The following PCDHGA5 variants were observed in gnomAD, a reference collection of about 807,000 sequenced individuals.
PCDHGA5 encodes the protein protocadherin gamma-A5.
In PCDHGA5, 36 loss-of-function variants were observed where a neutral mutation model predicts 56.7. The ratio of observed to expected loss-of-function variants is 0.64; its 90% CI spans 0.49 to 0.84. PCDHGA5 has a LOEUF of 0.84. PCDHGA5 is among the 40% of genes least tolerant of loss of function. The pLI is 0.00. For synonymous variants in PCDHGA5, 563 were observed against 520.2 expected (o/e 1.08, Z -1.12); for missense variants, 1,305 against 1,201.5 (o/e 1.09, Z -1.27).
In PCDHGA5 at chr5:141,489,184, G is replaced by T; in HGVS notation, c.2422-5623G>T. ...TCAGCTGCTGCATTCCAAGCCCTGG[G>T]TCTACCTTGGAGACAGGACAGCACA... On this transcript the variant is annotated intron_variant, in intron 1 of 3. Transcript: ENST00000518069. This position sits in a 1 kb window ranked among gnomAD's most constrained non-coding sequence, Gnocchi z 4.5. 7.8e-7 allele frequency: 1 copy of T among 1,287,330 alleles called. No homozygotes were observed. Among genetic ancestry groups the T allele is most frequent in the Non-Finnish European group, 1.1e-6 (1 of 928,816 alleles). 79.7% of individuals were successfully genotyped at this position (1,287,330 alleles called of 1,614,324 possible).
chr5:141,503,260 C>A (rs2154593294), intron 2 of PCDHGA5, among the ~76,000 whole-genome samples: 1 of 152,178 alleles, frequency 6.6e-6, no homozygotes, highest in African/African-American at 2.4e-5. Flanking sequence ...ACAGCCACAA[C>A]CCCAGCACCT....
chr5:141,397,953 C>A, intron 1 of PCDHGA5: 2 of 962,110 alleles, frequency 2.1e-6, no homozygotes. Flanking sequence ...CAGGGCAGCC[C>A]CAGCTCAGAC....
At chr5:141,405,907 T>C (rs1471568204) in intron 1 of PCDHGA5, among the ~76,000 whole-genome samples, 2 of 152,218 alleles carry the variant, frequency 1.3e-5, no homozygotes, top group Non-Finnish European at 2.9e-5. Context: ...AGGAGGCATT[T>C]ATTAGTTATA....
chr5:141,431,450 A>T lies in PCDHGA5; in HGVS notation c.2422-63357A>T, dbSNP rs1468567743. 1 of 1,613,740 alleles carries T rather than the reference A, an allele frequency of 6.2e-7. No homozygotes were observed. Among genetic ancestry groups the T allele is most frequent in the Admixed American group, 1.7e-5 (1 of 60,032 alleles). ...CACAGGCACCGCGCGCATCCGCGTG[A>T]TGGTTCTGGATGCGAACGACAACGC... On this transcript the variant is annotated intron_variant, in intron 1 of 3. Transcript: ENST00000518069. This position sits in a 1 kb window ranked among gnomAD's most constrained non-coding sequence, Gnocchi z 4.8.
chr5:141,487,499 G>A lies in PCDHGA5; in HGVS notation c.2422-7308G>A, dbSNP rs2099647158. On this transcript the variant is annotated intron_variant, in intron 1 of 3. Transcript: ENST00000518069. This position sits in a 1 kb window ranked among gnomAD's most constrained non-coding sequence, Gnocchi z 5.0. ...CCACTCTCATGGCTGTACACCCTTGGCTTCTGCACCCACTCGGAGTGATAG... is the reference window on the plus strand; with the variant it reads ...CCACTCTCATGGCTGTACACCCTTGACTTCTGCACCCACTCGGAGTGATAG... The A allele has an allele frequency of 3.1e-6, 5 of 1,614,152 alleles. No homozygotes were observed. The highest frequency in any genetic ancestry group is 2.2e-5 in the East Asian group (1 of 44,852).
At chr5:141,459,829 G>A in intron 1 of PCDHGA5, among the ~76,000 whole-genome samples, 1 of 152,178 alleles carries the variant, frequency 6.6e-6, no homozygotes, top group East Asian at 1.9e-4. Flanking sequence ...AACTTTTCAT[G>A]TGTTGTCTAT....
At chr5:141,410,523 A>G (rs2095403267) in intron 1 of PCDHGA5, 3 of 1,613,800 alleles carry the variant, frequency 1.9e-6, no homozygotes, top group South Asian at 2.2e-5. Flanking sequence ...GTGCCCCTAC[A>G]TTCCAATGAA....
At chr5:141,499,779 C>T (rs1450026011) in intron 2 of PCDHGA5, among the ~76,000 whole-genome samples, 3 of 151,452 alleles carry the variant, frequency 2.0e-5, no homozygotes, top group Non-Finnish European at 4.4e-5. Flanking sequence ...CTTCGCCTCC[C>T]GGGTTCAAGC....
Position 141,418,036 on chromosome 5 carries a change from G to C in PCDHGA5, c.2421+51285G>C, listed in dbSNP as rs933500300. ...CTAAGGATCTAGGGCTTAGTGTCCT[G>C]GATGTGTCGGCTCGCGAGCTGCGAG... On this transcript the variant is annotated intron_variant, in intron 1 of 3. Coordinates refer to ENST00000518069, the MANE Select transcript of PCDHGA5 (RefSeq NM_018918.3). 3.7e-6 allele frequency: 6 copies of C among 1,613,902 alleles called. No individual in the cohort carries two copies. The African/African-American group carries it at 8.0e-5, about 22-fold the overall frequency.
chr5:141,394,322 G>T (rs1438978424), intron 1 of PCDHGA5: 3 of 1,613,960 alleles, frequency 1.9e-6, no homozygotes, highest in Non-Finnish European at 1.7e-6. Context: ...CCCTGTCCTC[G>T]TATATCTCCA....
At chr5:141,398,951 C>A (rs771456321) in intron 1 of PCDHGA5, 2 of 1,613,822 alleles carry the variant, frequency 1.2e-6, no homozygotes, top group Admixed American at 1.7e-5. Flanking sequence ...GGCATCAACT[C>A]AGAAATTACT....
rs138087785 is a variant in PCDHGA5, at chr5:141,383,992, G to T, written c.2421+17241G>T. 9.8e-5 allele frequency: 158 copies of T among 1,613,878 alleles called. No homozygotes were observed. The East Asian group carries it at 3.5e-3, about 35-fold the overall frequency. On this transcript the variant is annotated intron_variant, in intron 1 of 3. Coordinates refer to ENST00000518069, the MANE Select transcript of PCDHGA5 (RefSeq NM_018918.3). Reference sequence around the variant, plus strand: ...CCCTGAAGACACACCTCTTGGGACAGTCATTGCTCTTTTCTACCTACAAGA... The same window carrying T: ...CCCTGAAGACACACCTCTTGGGACATTCATTGCTCTTTTCTACCTACAAGA...
At chr5:141,405,096 G>A (rs2094608531) in intron 1 of PCDHGA5, 6 of 1,613,808 alleles carry the variant, frequency 3.7e-6, no homozygotes, top group Admixed American at 1.7e-5. Flanking sequence ...CTGGCCCTCA[G>A]GCTGAGGCAC....
rs756833632 is a variant in PCDHGA5, at chr5:141,393,904, CA to C, written c.2421+27154del. Reference sequence around the variant, plus strand: ...GTGTTAGAAAATTCTCTTCCCGGGACAGTAATTGCCTTCTTGAGTGTGCATG... The same window carrying C: ...GTGTTAGAAAATTCTCTTCCCGGGACGTAATTGCCTTCTTGAGTGTGCATG... On this transcript the variant is annotated intron_variant, in intron 1 of 3. Transcript: ENST00000518069. The C allele has an allele frequency of 1.9e-6, 3 of 1,613,918 alleles. No individual in the cohort carries two copies. In the East Asian group the frequency reaches 6.7e-5, roughly 36 times the overall value.
At position 141,494,885 on chromosome 5, in the gene PCDHGA5, G is replaced by T; in HGVS notation, c.2480+20G>T. The T allele has an allele frequency of 6.8e-6, 11 of 1,614,082 alleles. No homozygotes were observed. The highest frequency in any genetic ancestry group is 8.5e-6 in the Non-Finnish European group (10 of 1,179,992). Reference sequence around the variant, plus strand: ...CAGCGGGTAGGTGACTGATTCTCCAGCCCACCCTCTTCTCTGCGGCATTTT... The same window carrying T: ...CAGCGGGTAGGTGACTGATTCTCCATCCCACCCTCTTCTCTGCGGCATTTT... On this transcript the variant is annotated intron_variant, in intron 2 of 3. Transcript: ENST00000518069.
intron 2 of PCDHGA5, among the ~76,000 whole-genome samples, chr5:141,496,467 TC>T (rs1289225541): frequency 1.3e-5 from 2 of 152,176 alleles, no homozygotes; most frequent in Admixed American, 1.3e-4. Flanking sequence ...GAGTTATCTT[TC>T]CCCCATCCTG....
rs776079289 is a variant in PCDHGA5 at position 141,423,264 on chromosome 5, CGAGTCTCT to C, written c.2421+56515_2421+56522del. The C allele has an allele frequency of 9.8e-5, 158 of 1,613,986 alleles. 1 individual carries two copies. The African/African-American group carries it at 1.9e-3, about 20-fold the overall frequency. ...AAGTCCTGGCGGACCTCGGCAGCCT[CGAGTCTCT>C]GGCTAACTCTGAAACCTCAGACCTC... On this transcript the variant is annotated intron_variant, in intron 1 of 3. Transcript: ENST00000518069.
chr5:141,414,702 A>G, intron 1 of PCDHGA5: 1 of 1,613,974 alleles, frequency 6.2e-7, no homozygotes, highest in Non-Finnish European at 8.5e-7. Context: ...CCTCATACAT[A>G]TCCATCAACT....
intron 1 of PCDHGA5, among the ~76,000 whole-genome samples, chr5:141,484,740 GA>G (rs1047805396): frequency 6.6e-6 from 1 of 150,760 alleles, no homozygotes; most frequent in Non-Finnish European, 1.5e-5. Context: ...GGTGTGTTAG[GA>G]AAAAAAATGT....
Sources: allele counts gnomAD v4.1 joint callset (sites outside exome capture counted in the v4.1 genomes callset), GRCh38; gene constraint gnomAD v4.1.1; non-coding constraint Gnocchi (gnomAD v3.1); transcripts MANE v1.5; gene names NCBI Gene and HGNC (gene_info 2026-07-23, HGNC 2026-07-21).